ELN: variants seen among roughly 807,000 people sequenced by gnomAD.
ELN encodes the protein tropoelastin.
Under a neutral mutation model 105.8 loss-of-function variants are expected in ELN, and 65 were observed. The observed-to-expected ratio is 0.61, with a 90% CI of 0.50 to 0.75. The LOEUF (loss-of-function observed/expected upper bound fraction) is 0.75. Ranked by LOEUF, ELN falls within the 30% of genes least tolerant of loss-of-function variation. The pLI is 0.00. For synonymous variants in ELN, 368 were observed against 389.2 expected, an observed-to-expected ratio of 0.95 and a Z score of 0.64; for missense variants, 882 against 969.4, an observed-to-expected ratio of 0.91 and a Z score of 1.20.
At chr7:74,045,941 G>A (rs143746031) in intron 10 of ELN, 459 of 538,484 alleles carry the variant, frequency 8.5e-4, no homozygotes, top group Non-Finnish European at 1.3e-3. Flanking sequence ...AGGCTGAGGC[G>A]GGAGAATCGC....
At chr7:74,042,765 T>A in intron 6 of ELN, 59 bp downstream of exon 6, 1 of 1,596,584 alleles carries the variant, frequency 6.3e-7, no homozygotes, top group Non-Finnish European at 8.5e-7. Flanking sequence ...GGCCCTCCGC[T>A]TTGCAAAGAA....
At chr7:74,041,799 AG>A (rs1436619026) in intron 5 of ELN, among the ~76,000 whole-genome samples, 1 of 152,142 alleles carries the variant, frequency 6.6e-6, no homozygotes. Flanking sequence ...CACCTGGTGC[AG>A]TTGATCTCAG....
Position 74,043,311 on chromosome 7 carries a change from G to T in ELN, c.427+143G>T, listed in dbSNP as rs1791684426. 3 of 1,254,812 alleles carry T rather than the reference G, an allele frequency of 2.4e-6. No individual in the cohort carries two copies. The Admixed American group carries it at 6.0e-5, about 25-fold the overall frequency. 77.7% of individuals were successfully genotyped at this position (1,254,812 alleles called of 1,614,324 possible). ...GTCGGGCAGAGAAACTAGCCAGGCTGGTGCCTGCGTCTGTGAAATGGGGAG... is the reference window on the plus strand; with the variant it reads ...GTCGGGCAGAGAAACTAGCCAGGCTTGTGCCTGCGTCTGTGAAATGGGGAG... On this transcript the variant is annotated intron_variant, in intron 8 of 32. Transcript: ENST00000252034.
At chr7:74,036,718 C>A in intron 3 of ELN, 134 bp downstream of exon 3, 3 of 1,307,996 alleles carry the variant, frequency 2.3e-6, no homozygotes, top group Non-Finnish European at 2.2e-6. Flanking sequence ...AGCATCCAGG[C>A]GGTGGGAGGA....
At position 74,028,277 on chromosome 7, in the gene ELN, C is replaced by T; in HGVS notation, c.82+8C>T. 6.2e-7 allele frequency: 1 copy of T among 1,603,792 alleles called. No homozygotes were observed. On this transcript the variant is annotated splice_region_variant and intron_variant, in intron 1 of 32. Coordinates refer to ENST00000252034, the MANE Select transcript of ELN (RefSeq NM_000501.4). ...ACCCCTCTCGGCCTGGAGGTAAGGA[C>T]CCCTCGCCCCTGTCCCCAGCGCTGC...
intron 4 of ELN, among the ~76,000 whole-genome samples, 199 bp from the exon 5 acceptor site, chr7:74,041,017 C>A (rs1209685743): frequency 6.6e-6 from 1 of 152,198 alleles, no homozygotes; most frequent in Non-Finnish European, 1.5e-5. Context: ...TGCAATGACA[C>A]CTGCACTGCA....
At chr7:74,057,546 C>T (rs1554681036) in intron 21 of ELN, 94 bp from the exon 22 acceptor site, 4 of 1,604,880 alleles carry the variant, frequency 2.5e-6, no homozygotes, top group African/African-American at 1.3e-5. Context: ...AGGTCGACTG[C>T]ACCATTTTAC....
chr7:74,065,065 A>ACC (rs141630252), intron 29 of ELN, among the ~76,000 whole-genome samples: 94 of 147,088 alleles, frequency 6.4e-4, no homozygotes, highest in South Asian at 2.8e-3. Context: ...ATGTAGCAAG[A>ACC]CCCCCCCCCA....
chr7:74,051,606 C>T (rs1794050036), intron 15 of ELN, 144 bp from the exon 16 acceptor site: 1 of 810,352 alleles, frequency 1.2e-6, no homozygotes, highest in African/African-American at 1.7e-5. Flanking sequence ...GTGGGGGCCT[C>T]CCCAGACAGG....
At chr7:74,048,821 A>T (rs1793174940) in intron 15 of ELN, among the ~76,000 whole-genome samples, 1 of 150,646 alleles carries the variant, frequency 6.6e-6, no homozygotes, top group Non-Finnish European at 1.5e-5. Flanking sequence ...CCATCCATCC[A>T]TTCATGTACT....
intron 15 of ELN, among the ~76,000 whole-genome samples, chr7:74,050,935 A>C (rs1432540168): frequency 6.6e-6 from 1 of 152,220 alleles, no homozygotes; most frequent in African/African-American, 2.4e-5. Flanking sequence ...TTAGAAAGAT[A>C]ATTTTAGGTG....
chr7:74,045,420 G>A (rs1209740275), intron 10 of ELN, 127 bp downstream of exon 10: 17 of 1,038,154 alleles, frequency 1.6e-5, no homozygotes, highest in Non-Finnish European at 2.2e-5. Context: ...TTATGTTCCA[G>A]CCCTGGGCAG....
rs782359367 is a variant in ELN at position 74,054,769 on chromosome 7, G to A, written c.1150G>A (p.Gly384Arg). The change falls in exon 19 of 33, where the codon GGG becomes AGG. Residue 384 changes from glycine (G) to arginine (R), a missense_variant and splice_region_variant. Physicochemically the swap from Gly to Arg is moderately radical, Grantham distance 125. Transcript: ENST00000252034. ...AKAAAKAAKYGARPGVGVGGI... is the reference protein window; with the variant it reads ...AKAAAKAAKYRARPGVGVGGI... Reference sequence around the variant, plus strand: ...GGCAGCTGCAAAGGCAGCCAAATACGGTGAGTGCTATGCTGACAGCTCTGC... The same window carrying A: ...GGCAGCTGCAAAGGCAGCCAAATACAGTGAGTGCTATGCTGACAGCTCTGC... 3.1e-5 allele frequency: 50 copies of A among 1,613,960 alleles called. No homozygotes were observed. Among genetic ancestry groups the A allele is most frequent in the Middle Eastern group, 1.7e-4 (1 of 5,988 alleles).
intron 21 of ELN, among the ~76,000 whole-genome samples, chr7:74,056,927 AC>A (rs1469588316): frequency 2.2e-5 from 3 of 136,916 alleles, no homozygotes; most frequent in African/African-American, 5.4e-5. Context: ...TCATCACCCC[AC>A]CCCCCACCCC....
rs1450750898 is a variant in ELN at position 74,051,788 on chromosome 7, G to T, written c.838G>T (p.Ala280Ser). 6 of 1,614,220 alleles carry T rather than the reference G, an allele frequency of 3.7e-6. No individual in the cohort carries two copies. The highest frequency in any genetic ancestry group is 4.2e-6 in the Non-Finnish European group (5 of 1,180,030). The change falls in exon 16 of 33, where the codon GCT becomes TCT. Residue 280 changes from alanine to serine, a missense_variant. Physicochemically the swap from Ala to Ser is moderately conservative, Grantham distance 99 (BLOSUM62 1). Transcript: ENST00000252034. Reference sequence around the variant, plus strand: ...CGGAGTCCTCCCTGGTGTTGGAGGGGCTGGTGTTCCTGGCGTGCCTGGGGC... The same window carrying T: ...CGGAGTCCTCCCTGGTGTTGGAGGGTCTGGTGTTCCTGGCGTGCCTGGGGC... ...AAGVLPGVGG[A>S]GVPGVPGAIP... is the part of the protein sequence containing the mutation.
Position 74,068,696 on chromosome 7 carries a change from A to T in ELN, c.2171A>T (p.Lys724Ile), listed in dbSNP as rs971612292. Reference sequence around the variant, plus strand: ...GGGAAAGCTTGTGGCCGGAAGAGAAAATGAGCTTCCTAGGACCCCTGACTC... The same window carrying T: ...GGGAAAGCTTGTGGCCGGAAGAGAATATGAGCTTCCTAGGACCCCTGACTC... ...CLGKACGRKR[K>I] The change falls in exon 33 of 33, where the codon AAA (lysine) becomes ATA (isoleucine). Residue 724 changes from lysine to isoleucine, a missense_variant. Coordinates refer to ENST00000252034, the MANE Select transcript of ELN (RefSeq NM_000501.4). 2 of 1,613,924 alleles carry T rather than the reference A, an allele frequency of 1.2e-6. No homozygotes were observed. The highest frequency in any genetic ancestry group is 1.7e-6 in the Non-Finnish European group (2 of 1,179,978).
At chr7:74,036,501 G>A (rs1554665733) in intron 2 of ELN, 54 bp from the exon 3 acceptor site, 1 of 1,611,082 alleles carries the variant, frequency 6.2e-7, no homozygotes, top group African/African-American at 1.3e-5. Context: ...GTGGCAGCGG[G>A]CTTGCCTGGC....
intron 15 of ELN, 69 bp from the exon 16 acceptor site, chr7:74,051,681 A>G: frequency 1.3e-6 from 2 of 1,575,466 alleles, no homozygotes; most frequent in Admixed American, 3.4e-5. Flanking sequence ...GCCGGCGTCT[A>G]AGTGGCCATC....
At position 74,063,476 on chromosome 7, in the gene ELN, C is replaced by A. The variant is rs952815119; in HGVS notation, c.1918+107C>A. 8 of 1,599,066 alleles carry A rather than the reference C, an allele frequency of 5.0e-6. No homozygotes were observed. In the Admixed American group the frequency reaches 1.4e-4, roughly 28 times the overall value. ...AGACTCAGAGTCCCTGCCCCAGACACCTCCTGGCTCCACTGTGCCATCGAA... is the reference window on the plus strand; with the variant it reads ...AGACTCAGAGTCCCTGCCCCAGACAACTCCTGGCTCCACTGTGCCATCGAA... On this transcript the variant is annotated intron_variant, in intron 28 of 32. Coordinates refer to ENST00000252034, the MANE Select transcript of ELN (RefSeq NM_000501.4). The surrounding 1 kb of genome is among the most constrained non-coding windows in gnomAD (Gnocchi z 4.1).
Sources: gnomAD v4.1 joint callset for allele counts (sites outside exome capture counted in the v4.1 genomes callset) on GRCh38, gnomAD v4.1.1 for gene constraint, Gnocchi (gnomAD v3.1) non-coding constraint, MANE v1.5 for transcripts, NCBI Gene and HGNC (gene_info 2026-07-23, HGNC 2026-07-21) for gene names.